Variants in FRMD4A observed in about 807,000 individuals in gnomAD.
FRMD4A encodes the protein FERM domain-containing protein 4A.
In FRMD4A, 29 loss-of-function variants were observed where a neutral mutation model predicts 129.1. That is an observed-to-expected ratio of 0.22 (90% CI 0.17 to 0.31). The LOEUF is 0.31. FRMD4A is among the 10% of genes least tolerant of loss of function. FRMD4A has a pLI of 1.00. For synonymous variants in FRMD4A, 634 were observed against 571.6 expected (o/e 1.11, Z -1.56); for missense variants, 1,272 against 1,375.8 (o/e 0.92, Z 1.19).
intron 2 of FRMD4A, among the ~76,000 whole-genome samples, chr10:14,068,161 G>A (rs1028090575): frequency 6.6e-6 from 1 of 152,200 alleles, no homozygotes; most frequent in Non-Finnish European, 1.5e-5. Flanking sequence ...CAGGAATTAT[G>A]GATTATGCTA....
At chr10:14,219,875 G>C (rs1431803384) in intron 2 of FRMD4A, among the ~76,000 whole-genome samples, 1 of 152,136 alleles carries the variant, frequency 6.6e-6, no homozygotes, top group Non-Finnish European at 1.5e-5. Flanking sequence ...TGCTAGTCCT[G>C]CCTGAAACCC....
At chr10:13,813,892 G>T (rs1477404139) in intron 3 of FRMD4A, among the ~76,000 whole-genome samples, 1 of 152,216 alleles carries the variant, frequency 6.6e-6, no homozygotes, top group Non-Finnish European at 1.5e-5. Flanking sequence ...ACCATCATAG[G>T]TTAGGGACAG....
intron 12 of FRMD4A, 133 bp downstream of exon 12, chr10:13,737,711 T>C (rs2090724109): frequency 1.6e-6 from 1 of 616,158 alleles, no homozygotes; most frequent in South Asian, 2.0e-5. Flanking sequence ...GTGGAGTAAT[T>C]TGTATACACT....
At chr10:14,009,681 G>A (rs577135989) in intron 2 of FRMD4A, among the ~76,000 whole-genome samples, 1 of 152,232 alleles carries the variant, frequency 6.6e-6, no homozygotes, top group Middle Eastern at 3.2e-3. Context: ...GCCCTCCAGC[G>A]CAGACACACA....
intron 2 of FRMD4A, among the ~76,000 whole-genome samples, chr10:14,202,140 GA>G (rs67184304): frequency 0.79 from 116,347 of 147,344 alleles, 48,185 homozygotes; most frequent in South Asian, 0.96. Context: ...TCCGTCTCAA[GA>G]AAAAAAAAAA....
intron 2 of FRMD4A, among the ~76,000 whole-genome samples, chr10:14,140,207 G>A (rs543744396): frequency 2.7e-4 from 41 of 152,094 alleles, no homozygotes; most frequent in Admixed American, 5.9e-4. Context: ...GACTACAGGC[G>A]CACACCACCA....
At chr10:13,677,421 C>G (rs75549209) in intron 15 of FRMD4A, among the ~76,000 whole-genome samples, 2 of 152,300 alleles carry the variant, frequency 1.3e-5, no homozygotes, top group South Asian at 4.1e-4. Context: ...TTTGTTCCAT[C>G]GTGGAACCTA....
intron 23 of FRMD4A, 28 bp from the exon 24 acceptor site, chr10:13,652,002 G>A: frequency 1.7e-6 from 2 of 1,211,460 alleles, no homozygotes; most frequent in Non-Finnish European, 2.5e-6. Context: ...GGAGGAGGAA[G>A]AGAAGAGAGG....
intron 2 of FRMD4A, among the ~76,000 whole-genome samples, chr10:13,874,936 T>C (rs1200953866): frequency 1.3e-5 from 2 of 152,002 alleles, no homozygotes; most frequent in East Asian, 3.9e-4. Context: ...TGTTGCAGAG[T>C]GATCAGTGTG....
At chr10:13,716,937 G>A (rs747180564) in intron 12 of FRMD4A, among the ~76,000 whole-genome samples, 15 of 150,392 alleles carry the variant, frequency 1.0e-4, no homozygotes, top group Non-Finnish European at 1.9e-4. Flanking sequence ...AGCTGGAATT[G>A]TTTTTCCTTT....
At chr10:14,153,207 G>C (rs915428772) in intron 2 of FRMD4A, among the ~76,000 whole-genome samples, 1 of 152,228 alleles carries the variant, frequency 6.6e-6, no homozygotes, top group Non-Finnish European at 1.5e-5. Context: ...TGAGGGCTTA[G>C]ATTCAAACGA....
chr10:14,213,567 T>C (rs1042387737), intron 2 of FRMD4A, among the ~76,000 whole-genome samples: 1 of 152,236 alleles, frequency 6.6e-6, no homozygotes, highest in Non-Finnish European at 1.5e-5. Flanking sequence ...TCCCTCAGGT[T>C]GCCCTGGGCT....
At chr10:14,187,705 T>C (rs906647543) in intron 2 of FRMD4A, among the ~76,000 whole-genome samples, 1 of 152,156 alleles carries the variant, frequency 6.6e-6, no homozygotes, top group Non-Finnish European at 1.5e-5. Flanking sequence ...CGCCTGAGCC[T>C]GGGAGGTTAA....
chr10:14,030,563 T>C (rs987857705), intron 2 of FRMD4A, among the ~76,000 whole-genome samples: 3 of 152,244 alleles, frequency 2.0e-5, no homozygotes, highest in African/African-American at 7.2e-5. Context: ...TGTTTGTTTG[T>C]TTAAGTAAAA....
At chr10:14,267,349 C>A (rs1299193983) in intron 2 of FRMD4A, among the ~76,000 whole-genome samples, 1 of 152,134 alleles carries the variant, frequency 6.6e-6, no homozygotes, top group Non-Finnish European at 1.5e-5. Context: ...CTTCATATAT[C>A]TTCTCATTTA....
intron 22 of FRMD4A, 50 bp from the exon 23 acceptor site, chr10:13,654,562 C>T (rs1368665482): frequency 8.2e-7 from 1 of 1,223,626 alleles, no homozygotes; most frequent in African/African-American, 1.5e-5. Flanking sequence ...GGATCAGACA[C>T]AGGTGAAAGA....
chr10:13,836,404 G>A (rs990240196), intron 3 of FRMD4A, among the ~76,000 whole-genome samples: 2 of 152,142 alleles, frequency 1.3e-5, no homozygotes, highest in Non-Finnish European at 2.9e-5. Flanking sequence ...GCATTTTTAT[G>A]TCATTTCCTT....
intron 2 of FRMD4A, among the ~76,000 whole-genome samples, chr10:13,969,542 T>TG: frequency 6.6e-6 from 1 of 152,268 alleles, no homozygotes; most frequent in South Asian, 2.1e-4. Flanking sequence ...TAGCCCACCC[T>TG]GCTTAGTTGA....
At chr10:13,822,181 A>G (rs574856787) in intron 3 of FRMD4A, among the ~76,000 whole-genome samples, 2 of 152,362 alleles carry the variant, frequency 1.3e-5, no homozygotes, top group South Asian at 4.1e-4. Flanking sequence ...TAATAAACAT[A>G]TCCATCACCT....
Sources: gnomAD v4.1 joint callset for allele counts (sites outside exome capture counted in the v4.1 genomes callset) on GRCh38, gnomAD v4.1.1 for gene constraint, MANE v1.5 for transcripts, NCBI Gene and HGNC (gene_info 2026-07-23, HGNC 2026-07-21) for gene names.